FAM13B: variants seen among roughly 807,000 people sequenced by gnomAD.
The protein encoded by FAM13B is protein FAM13B.
In FAM13B, 60 loss-of-function variants were observed where a neutral mutation model predicts 117.3. The observed-to-expected ratio is 0.51, with a 90% CI of 0.42 to 0.63. FAM13B has a LOEUF of 0.63. Ranked by LOEUF, FAM13B falls within the 30% of genes least tolerant of loss-of-function variation. FAM13B has a pLI of 0.00. For missense variants in FAM13B, 972 were observed against 1,091.9 expected, an observed-to-expected ratio of 0.89 and a Z score of 1.55; for synonymous variants, 332 against 356.1, an observed-to-expected ratio of 0.93 and a Z score of 0.76.
At chr5:138,039,227 A>G (rs943600468) in intron 1 of FAM13B, 1 of 152,216 alleles carries the variant, frequency 6.6e-6, no homozygotes, top group South Asian at 2.1e-4. Context: ...ACAAAGAATA[A>G]ATATCCCTTT....
At chr5:138,010,918 A>G in intron 6 of FAM13B, 90 bp downstream of exon 6, 2 of 1,252,858 alleles carry the variant, frequency 1.6e-6, no homozygotes, top group Non-Finnish European at 2.1e-6. Flanking sequence ...TTTAAATTCC[A>G]CTTATGTCTG....
At chr5:138,006,965 A>G (rs759641853) in intron 7 of FAM13B, 25 bp downstream of exon 7, 2 of 1,578,776 alleles carry the variant, frequency 1.3e-6, no homozygotes, top group Non-Finnish European at 8.6e-7. Flanking sequence ...CTCAAAAGCT[A>G]AAGTTCATTC....
intron 1 of FAM13B, among the ~76,000 whole-genome samples, chr5:138,028,541 C>T (rs1789042342): frequency 6.6e-6 from 1 of 152,154 alleles, no homozygotes; most frequent in African/African-American, 2.4e-5. Context: ...AGTGGTTAAA[C>T]TTTTTTTGTA....
intron 10 of FAM13B, among the ~76,000 whole-genome samples, chr5:137,970,126 C>T (rs1448504361): frequency 2.0e-5 from 3 of 151,818 alleles, no homozygotes; most frequent in Non-Finnish European, 4.4e-5. Context: ...AAAGATACTC[C>T]TCGAGAAGAG....
chr5:138,014,596 A>G lies in FAM13B; in HGVS notation c.371-2651T>C, dbSNP rs112726583. ...AGGTTGGGGATTGCTGATCTAGAGCACTGCCTAGCACACAGCAGATGTTCA... is the reference window on the plus strand; with the variant it reads ...AGGTTGGGGATTGCTGATCTAGAGCGCTGCCTAGCACACAGCAGATGTTCA... On this transcript the variant is annotated intron_variant, in intron 4 of 23. Coordinates refer to ENST00000689681, the MANE Select transcript of FAM13B (RefSeq NM_001385994.1). 2.2e-4 allele frequency among the ~76,000 whole-genome samples: 34 copies of G among 152,368 alleles called. 2 individuals are homozygous for G. The highest frequency in any genetic ancestry group is 7.7e-4 in the African/African-American group (32 of 41,588).
At chr5:137,949,658 T>C (rs140988721) in intron 17 of FAM13B, among the ~76,000 whole-genome samples, 2 of 152,106 alleles carry the variant, frequency 1.3e-5, no homozygotes, top group African/African-American at 2.4e-5. Flanking sequence ...CATGTGCCTG[T>C]ACCTGGTGGC....
At chr5:137,947,548 C>T (rs920593483) in intron 18 of FAM13B, among the ~76,000 whole-genome samples, 1 of 151,920 alleles carries the variant, frequency 6.6e-6, no homozygotes, top group Non-Finnish European at 1.5e-5. Flanking sequence ...TAGTGAGACA[C>T]GATTTCTACC....
rs368315745 is a variant in FAM13B, at chr5:137,942,079, A to C, written c.2589-34T>G. On this transcript the variant is annotated intron_variant, in intron 22 of 23. Transcript: ENST00000689681. ...GAAATGGTAAAATACTGAAGGGCAC[A>C]CTTGATTCATTATATTCTTAAGAGA... is the stretch of plus-strand genomic sequence containing the variant. 2.7e-4 allele frequency: 412 copies of C among 1,522,856 alleles called. 2 individuals carry two copies. The highest frequency in any genetic ancestry group is 1.9e-3 in the Middle Eastern group (10 of 5,342). The allele number at this position is 1,522,856 out of a possible 1,614,324, so 94.3% of individuals were successfully genotyped here. A position where few individuals can be genotyped will look rare whatever the true frequency, so the allele number is the denominator to read the frequency against.
intron 18 of FAM13B, 39 bp from the exon 19 acceptor site, chr5:137,946,350 A>AAAAAAAC: frequency 1.4e-6 from 2 of 1,420,942 alleles, no homozygotes; most frequent in Non-Finnish European, 9.6e-7. Context: ...TACAAAAAAA[A>AAAAAAAC]AAAAACAAAA....
chr5:138,044,564 A>C (rs1026105869), intron 1 of FAM13B, among the ~76,000 whole-genome samples: 11 of 151,934 alleles, frequency 7.2e-5, no homozygotes, highest in Admixed American at 5.3e-4. Context: ...AAAAAAAAAA[A>C]AAAACGGATA....
At chr5:138,000,933 AAAC>A (rs1260872106) in intron 7 of FAM13B, among the ~76,000 whole-genome samples, 1 of 72,302 alleles carries the variant, frequency 1.4e-5, no homozygotes, top group South Asian at 4.6e-4. Context: ...CTGTCTCAAA[AAAC>A]AAAAAACAAA....
upstream of FAM13B, chr5:138,036,646 C>A (rs1243461399): frequency 4.4e-6 from 2 of 453,774 alleles, no homozygotes. Context: ...CCTTTTATAA[C>A]TAAATAACTG....
chr5:138,002,664 A>ATTTTTT (rs70979561), intron 7 of FAM13B, among the ~76,000 whole-genome samples: 1 of 120,334 alleles, frequency 8.3e-6, no homozygotes, highest in Non-Finnish European at 1.6e-5. Flanking sequence ...TGTTCCCTCT[A>ATTTTTT]TTTTTTTTTT....
Position 138,011,885 on chromosome 5 carries a change from G to C in FAM13B, c.431C>G (p.Pro144Arg). 6.2e-7 allele frequency: 1 copy of C among 1,601,150 alleles called. No homozygotes were observed. Among genetic ancestry groups the C allele is most frequent in the Non-Finnish European group, 8.5e-7 (1 of 1,176,280 alleles). ...AAACTTTAACAAACTATAATTAACA[G>C]GTGGAAGCTGTTGCAAGAGGAACCT... Reference protein sequence around the residue: ...KLRFLLQQLPPVNYSLLKFLC... With the variant: ...KLRFLLQQLPRVNYSLLKFLC... Residue 144 changes from proline (P) to arginine (R), a missense_variant, in exon 5 of 24, where the codon CCT becomes CGT. Physicochemically the swap from Pro to Arg is moderately radical, Grantham distance 103. Transcript: ENST00000689681.
chr5:137,986,035 A>G (rs557658910), intron 9 of FAM13B, among the ~76,000 whole-genome samples: 1 of 151,824 alleles, frequency 6.6e-6, no homozygotes, highest in East Asian at 1.9e-4. Context: ...TTTCCTTCAC[A>G]TTCTGCCCAA....
intron 4 of FAM13B, among the ~76,000 whole-genome samples, chr5:138,015,429 GCCATGGCTCATGC>G (rs1490714535): frequency 6.6e-6 from 1 of 152,228 alleles, no homozygotes; most frequent in Non-Finnish European, 1.5e-5. Flanking sequence ...ACAGCTGGGT[GCCATGGCTCATGC>G]CTGTAATTCC....
In FAM13B at chr5:138,043,414, C is replaced by T. The variant is rs576537837; in HGVS notation, c.-203+8464G>A. 7.3e-5 allele frequency among the ~76,000 whole-genome samples: 11 copies of T among 150,228 alleles called. No individual in the cohort carries two copies. In the East Asian group the frequency reaches 1.6e-3, roughly 21 times the overall value. Reference sequence around the variant, plus strand: ...ATTATTGACCTGTGTTTACCTTGTTCGGGCATTATTCTTTTTTTTCTTTCT... The same window carrying T: ...ATTATTGACCTGTGTTTACCTTGTTTGGGCATTATTCTTTTTTTTCTTTCT... On this transcript the variant is annotated intron_variant, in intron 1 of 3. Transcript: ENST00000502471.
chr5:137,977,889 T>C (rs191755190), intron 10 of FAM13B, among the ~76,000 whole-genome samples: 3 of 152,312 alleles, frequency 2.0e-5, no homozygotes, highest in Admixed American at 6.5e-5. Flanking sequence ...GAAACATAAA[T>C]ATAAGGACAT....
chr5:138,006,507 G>A (rs946277425), intron 7 of FAM13B, among the ~76,000 whole-genome samples: 3 of 152,324 alleles, frequency 2.0e-5, no homozygotes, highest in Middle Eastern at 6.8e-3. Context: ...TGCTGGGATA[G>A]GGTCTTCAGC....
Sources: allele counts gnomAD v4.1 joint callset (sites outside exome capture counted in the v4.1 genomes callset), GRCh38; gene constraint gnomAD v4.1.1; transcripts MANE v1.5; gene names NCBI Gene and HGNC (gene_info 2026-07-23, HGNC 2026-07-21).